Variants in ZNF519 observed in about 807,000 individuals in gnomAD.
The protein encoded by ZNF519 is zinc finger protein 519.
A neutral mutation model predicts 7.4 loss-of-function variants in ZNF519; 7 were observed. The observed-to-expected ratio is 0.94, with a 90% confidence interval of 0.54 to 1.77. The LOEUF is 1.77. Among genes scored for constraint, ZNF519 ranks in the 40% most tolerant of loss-of-function variants. ZNF519 has a pLI of 0.00. For missense variants in ZNF519, 586 were observed against 623.1 expected, an observed-to-expected ratio of 0.94 and a Z score of 0.63; for synonymous variants, 179 against 203.3, an observed-to-expected ratio of 0.88 and a Z score of 1.02.
intron 3 of ZNF519, among the ~76,000 whole-genome samples, chr18:14,083,791 C>A (rs550386642): frequency 2.6e-5 from 4 of 152,162 alleles, no homozygotes; most frequent in African/African-American, 9.7e-5. Flanking sequence ...TCAAGTAGAA[C>A]AAGTTTCCCC....
rs888374447 is a variant in ZNF519 at position 14,100,663 on chromosome 18, A to T, written c.*4254T>A. The stretch of plus-strand genomic sequence containing the variant: ...AAATTAATGGTTTCAAAGAATCAGA[A>T]TCAGAGTGGGTATGGTGGGGAGAAG... On this transcript the variant is annotated 3_prime_UTR_variant, in exon 3 of 3. Transcript: ENST00000590202. The T allele has an allele frequency of 6.6e-6, 1 of 152,236 alleles. No individual in the cohort carries two copies. Among genetic ancestry groups the T allele is most frequent in the South Asian group, 2.1e-4 (1 of 4,836 alleles). 9.4% of individuals were successfully genotyped at this position (152,236 alleles called of 1,614,324 possible). A position where few individuals can be genotyped will look rare whatever the true frequency, so the allele number is the denominator to read the frequency against.
chr18:14,131,089 G>A (rs2046327329), intron 1 of ZNF519, among the ~76,000 whole-genome samples: 1 of 152,022 alleles, frequency 6.6e-6, no homozygotes, highest in South Asian at 2.1e-4. Context: ...ACTAGAAAAA[G>A]GCCCGAATGT....
rs2046160647 is a variant in ZNF519 at position 14,101,459 on chromosome 18, G to A, written c.*3458C>T. 1 of 391,704 alleles carries A rather than the reference G, an allele frequency of 2.6e-6. No homozygotes were observed. 24.3% of individuals were successfully genotyped at this position (391,704 alleles called of 1,614,324 possible). A position where few individuals can be genotyped will look rare whatever the true frequency, so the allele number is the denominator to read the frequency against. On this transcript the variant is annotated 3_prime_UTR_variant, in exon 3 of 3. Coordinates refer to ENST00000590202, the MANE Select transcript of ZNF519 (RefSeq NM_145287.4). ...TTTTCCTAGATATTCTTACAAATATGTGAAAGCCGATTGTACACCTGAACA... is the reference window on the plus strand; with the variant it reads ...TTTTCCTAGATATTCTTACAAATATATGAAAGCCGATTGTACACCTGAACA...
Position 14,101,769 on chromosome 18 carries a change from G to T in ZNF519, c.*3148C>A. The T allele has an allele frequency of 2.5e-6, 1 of 398,588 alleles. No individual in the cohort carries two copies. The highest frequency in any genetic ancestry group is 1.3e-4 in the South Asian group (1 of 7,850). The allele number at this position is 398,588 out of a possible 1,614,324, so 24.7% of individuals were successfully genotyped here. A position where few individuals can be genotyped will look rare whatever the true frequency, so the allele number is the denominator to read the frequency against. On this transcript the variant is annotated 3_prime_UTR_variant, in exon 3 of 3. Transcript: ENST00000590202. ...CAGTTCTTTGATGATGTTCTGTGTG[G>T]AGCTCTGCAAAGACAAACCAGCAGT...
chr18:14,072,311 T>G (rs1230940878), downstream of ZNF519: 2 of 152,208 alleles, frequency 1.3e-5, no homozygotes, highest in African/African-American at 4.8e-5. Flanking sequence ...CTGTGTTAAC[T>G]CATTACTGAT....
chr18:14,080,008 C>T (rs2046063993), intron 3 of ZNF519, among the ~76,000 whole-genome samples: 2 of 151,262 alleles, frequency 1.3e-5, no homozygotes, highest in Admixed American at 6.6e-5. Context: ...ACATGTATCT[C>T]GTAGCTCTTA....
At position 14,103,179 on chromosome 18, in the gene ZNF519, T is replaced by C. The variant is rs890326775; in HGVS notation, c.*1738A>G. 11 of 152,058 alleles carry C rather than the reference T, an allele frequency of 7.2e-5. No homozygotes were observed. The highest frequency in any genetic ancestry group is 2.6e-4 in the Admixed American group (4 of 15,270). 9.4% of individuals were successfully genotyped at this position (152,058 alleles called of 1,614,324 possible). A position where few individuals can be genotyped will look rare whatever the true frequency, so the allele number is the denominator to read the frequency against. On this transcript the variant is annotated 3_prime_UTR_variant, in exon 3 of 3. Coordinates refer to ENST00000590202, the MANE Select transcript of ZNF519 (RefSeq NM_145287.4). ...AAGTGGGAAGATCAACAGGAAAACA[T>C]AACACTTGAACACTGTAAACAAATA...
At chr18:14,078,984 C>A (rs2046059652) in intron 3 of ZNF519, among the ~76,000 whole-genome samples, 1 of 152,192 alleles carries the variant, frequency 6.6e-6, no homozygotes, top group African/African-American at 2.4e-5. Context: ...AGCCAAACAG[C>A]AGAAGCACCA....
chr18:14,086,211 C>T (rs572739191), intron 2 of ZNF519, among the ~76,000 whole-genome samples: 19 of 152,308 alleles, frequency 1.2e-4, no homozygotes, highest in African/African-American at 3.8e-4. Context: ...CTCAGTGGCC[C>T]CTGACCCAGG....
chr18:14,097,845 G>A (rs1164780070), downstream of ZNF519, among the ~76,000 whole-genome samples: 1 of 152,160 alleles, frequency 6.6e-6, no homozygotes, highest in African/African-American at 2.4e-5. Flanking sequence ...GTATATGTAT[G>A]TTTATATTAA....
intron 2 of ZNF519, among the ~76,000 whole-genome samples, chr18:14,112,781 C>CA (rs1162154462): frequency 2.6e-5 from 4 of 152,024 alleles, no homozygotes; most frequent in African/African-American, 9.7e-5. Context: ...TTTAAAAAGA[C>CA]AAAAAAGAAA....
chr18:14,081,227 T>G (rs1270329322), intron 3 of ZNF519, among the ~76,000 whole-genome samples: 1 of 152,066 alleles, frequency 6.6e-6, no homozygotes, highest in East Asian at 1.9e-4. Context: ...TGGGGGTTGT[T>G]GTTAATGGGG....
chr18:14,099,873 T>A (rs1418766172), downstream of ZNF519: 1 of 152,178 alleles, frequency 6.6e-6, no homozygotes, highest in African/African-American at 2.4e-5. Flanking sequence ...ACTGTTATTA[T>A]TCTAATTATA....
chr18:14,116,075 C>T (rs567055462), intron 2 of ZNF519, among the ~76,000 whole-genome samples: 19 of 152,250 alleles, frequency 1.2e-4, no homozygotes, highest in African/African-American at 3.9e-4. Flanking sequence ...CTAGTACACA[C>T]TAAAGATTGA....
downstream of ZNF519, among the ~76,000 whole-genome samples, chr18:14,098,821 T>C (rs2046148165): frequency 6.6e-6 from 1 of 152,218 alleles, no homozygotes; most frequent in South Asian, 2.1e-4. Context: ...CCTCGTGTTC[T>C]ATAGAGCATC....
At chr18:14,072,281 T>C (rs1436174772), downstream of ZNF519, 1 of 152,204 alleles carries the variant, frequency 6.6e-6, no homozygotes, top group East Asian at 1.9e-4. Context: ...TAAGTTACAG[T>C]AGCAAGATAT....
downstream of ZNF519, among the ~76,000 whole-genome samples, chr18:14,096,966 CTTCAT>C (rs2046139369): frequency 6.6e-6 from 1 of 152,110 alleles, no homozygotes; most frequent in Non-Finnish European, 1.5e-5. Context: ...TATCTCAACG[CTTCAT>C]TTCATTTTTC....
intron 2 of ZNF519, among the ~76,000 whole-genome samples, chr18:14,107,885 G>A (rs1253111976): frequency 2.6e-5 from 4 of 152,096 alleles, no homozygotes; most frequent in African/African-American, 4.8e-5. Context: ...TGAATCTTAC[G>A]GTTTAATTGC....
intron 1 of ZNF519, among the ~76,000 whole-genome samples, chr18:14,131,165 G>A (rs1257676814): frequency 1.3e-5 from 2 of 152,150 alleles, no homozygotes; most frequent in Non-Finnish European, 2.9e-5. Context: ...GGCCTAATAA[G>A]GGCGTTTGTG....
Sources: gnomAD v4.1 joint callset for allele counts (sites outside exome capture counted in the v4.1 genomes callset) on GRCh38, gnomAD v4.1.1 for gene constraint, MANE v1.5 for transcripts, NCBI Gene and HGNC (gene_info 2026-07-23, HGNC 2026-07-21) for gene names.